The following VSTM2A variants were observed in gnomAD, a reference collection of about 807,000 sequenced individuals.
The protein encoded by VSTM2A is V-set and transmembrane domain-containing protein 2A.
VSTM2A carries 13 observed loss-of-function variants against 27.3 expected under a neutral mutation model. The ratio of observed to expected loss-of-function variants is 0.48; its 90% CI spans 0.31 to 0.76. The LOEUF (loss-of-function observed/expected upper bound fraction) is 0.76. VSTM2A is among the 30% of genes least tolerant of loss of function. The pLI is 0.05. For missense variants in VSTM2A, 280 were observed against 310.0 expected (o/e 0.90, Z 0.73); for synonymous variants, 142 against 125.7 (o/e 1.13, Z -0.87).
intron 4 of VSTM2A, among the ~76,000 whole-genome samples, chr7:54,567,506 A>G (rs539119207): frequency 1.2e-4 from 19 of 152,232 alleles, no homozygotes; most frequent in Non-Finnish European, 2.2e-4. Flanking sequence ...GGGGTCAGCC[A>G]TGTCCTATGA....
rs1038598262 is a variant in VSTM2A at position 54,548,114 on chromosome 7, A to G, written c.297+1117A>G. The stretch of plus-strand genomic sequence containing the variant: ...TTTTTTCTTAATTATTTTATTTTTC[A>G]CATACATATATAACTAGATAGATTG... On this transcript the variant is annotated intron_variant, in intron 3 of 4. Coordinates refer to ENST00000402613, the MANE Select transcript of VSTM2A (RefSeq NM_001301009.2). Among the ~76,000 whole-genome samples the G allele has an allele frequency of 2.0e-5, 3 of 152,264 alleles. No homozygotes were observed. In the South Asian group the frequency reaches 6.2e-4, roughly 32 times the overall value.
At chr7:54,553,896 C>T (rs267601544) in intron 4 of VSTM2A, 5 of 1,551,254 alleles carry the variant, frequency 3.2e-6, no homozygotes, top group Non-Finnish European at 4.4e-6. Flanking sequence ...AGTCAAACAT[C>T]TCCACAGACC....
chr7:54,566,639 A>G (rs1788732632), intron 4 of VSTM2A, among the ~76,000 whole-genome samples: 1 of 152,226 alleles, frequency 6.6e-6, no homozygotes, highest in African/African-American at 2.4e-5. Flanking sequence ...AATAAAACAA[A>G]ATAGGCAATC....
Position 54,542,632 on chromosome 7 carries a change from C to T in VSTM2A, c.-99C>T. The T allele has an allele frequency of 9.4e-7, 1 of 1,068,256 alleles. No individual in the cohort carries two copies. The highest frequency in any genetic ancestry group is 1.4e-6 in the Non-Finnish European group (1 of 707,722). 66.2% of individuals were successfully genotyped at this position (1,068,256 alleles called of 1,614,324 possible). A position where few individuals can be genotyped will look rare whatever the true frequency, so the allele number is the denominator to read the frequency against. ...CAGCAGGATGTTTGCAGTGTCGCGC[C>T]CAGGGCTCTGAGACTGAGCCTGCCA... On this transcript the variant is annotated 5_prime_UTR_variant, in exon 1 of 5. Transcript: ENST00000402613.
chr7:54,550,394 G>GCTCTCAGATGCCCT, intron 4 of VSTM2A: 2 of 1,288,980 alleles, frequency 1.6e-6, no homozygotes, highest in Non-Finnish European at 2.0e-6. Context: ...TTCATTTCCA[G>GCTCTCAGATGCCCT]GGCATCTGAG....
intron 4 of VSTM2A, chr7:54,554,058 G>C (rs775491976): frequency 6.4e-7 from 1 of 1,552,266 alleles, no homozygotes; most frequent in South Asian, 1.2e-5. Context: ...GCAGAGCTGC[G>C]TGCTGGCTCC....
chr7:54,544,117 T>G (rs552600970), intron 1 of VSTM2A, among the ~76,000 whole-genome samples: 4 of 152,336 alleles, frequency 2.6e-5, no homozygotes, highest in African/African-American at 9.6e-5. Flanking sequence ...TGCAGGCGTG[T>G]TTCACTGGTG....
At position 54,570,209 on chromosome 7, in the gene VSTM2A, C is replaced by G. The variant is rs1177367138; in HGVS notation, c.*990C>G. 4 of 152,242 alleles carry G rather than the reference C, an allele frequency of 2.6e-5. No homozygotes were observed. Among genetic ancestry groups the G allele is most frequent in the African/African-American group, 9.6e-5 (4 of 41,558 alleles). 9.4% of individuals were successfully genotyped at this position (152,242 alleles called of 1,614,324 possible). ...ATGGTGTTTATTGAGGTTTGAGAGT[C>G]TCTTGACTGTGAAGAATGTACACTG... On this transcript the variant is annotated 3_prime_UTR_variant, in exon 5 of 5. Coordinates refer to ENST00000402613, the MANE Select transcript of VSTM2A (RefSeq NM_001301009.2).
At chr7:54,544,042 A>G (rs1339463471) in intron 1 of VSTM2A, among the ~76,000 whole-genome samples, 1 of 152,220 alleles carries the variant, frequency 6.6e-6, no homozygotes, top group Non-Finnish European at 1.5e-5. Context: ...ATGGGAACAA[A>G]TAAAGGTTAA....
intron 4 of VSTM2A, among the ~76,000 whole-genome samples, chr7:54,561,886 C>T (rs1413284590): frequency 2.0e-5 from 3 of 151,912 alleles, no homozygotes; most frequent in Non-Finnish European, 4.4e-5. Context: ...CAAAGTCAGA[C>T]ATTAATGAAC....
rs1016161894 is a variant in VSTM2A, at chr7:54,542,430, G to C, written c.-301G>C. 2.2e-6 allele frequency: 1 copy of C among 455,928 alleles called. No homozygotes were observed. Among genetic ancestry groups the C allele is most frequent in the Non-Finnish European group, 3.9e-6 (1 of 258,108 alleles). The allele number at this position is 455,928 out of a possible 1,614,324, so 28.2% of individuals were successfully genotyped here. A position where few individuals can be genotyped will look rare whatever the true frequency, so the allele number is the denominator to read the frequency against. ...GGCAGTGATCACGCAAGCCGGAGCG[G>C]CGGGCTGACGTTGGACGAGCTGCCA... On this transcript the variant is annotated 5_prime_UTR_variant, in exon 1 of 5. Coordinates refer to ENST00000402613, the MANE Select transcript of VSTM2A (RefSeq NM_001301009.2).
chr7:54,544,504 T>C (rs1787878171), intron 1 of VSTM2A, 118 bp from the exon 2 acceptor site: 5 of 1,253,622 alleles, frequency 4.0e-6, no homozygotes, highest in African/African-American at 3.0e-5. Context: ...AAGCCGAGGA[T>C]GTAAGAGAGG....
Position 54,550,376 on chromosome 7 carries a change from A to T in VSTM2A, c.634+206A>T, listed in dbSNP as rs373424589. 5.9e-5 allele frequency: 82 copies of T among 1,383,688 alleles called. 1 individual carries two copies. In the South Asian group the frequency reaches 1.1e-3, roughly 19 times the overall value. The allele number at this position is 1,383,688 out of a possible 1,614,324, so 85.7% of individuals were successfully genotyped here. ...TGTGGGTGCACCCCGTCAGTCCCCT[A>T]GTGGTGCTTCATTTCCAGGGCATCT... On this transcript the variant is annotated intron_variant, in intron 4 of 4. Coordinates refer to ENST00000402613, the MANE Select transcript of VSTM2A (RefSeq NM_001301009.2).
At chr7:54,547,296 A>G in intron 3 of VSTM2A, 1 of 347,890 alleles carries the variant, frequency 2.9e-6, no homozygotes, top group Non-Finnish European at 5.1e-6. Flanking sequence ...ATACATTGCT[A>G]ATATCTATTC....
rs1788258573 is a variant in VSTM2A, at chr7:54,553,701, G to T, written c.634+3531G>T. ...GAAGAAAGACCTTTCAGAGAGGAGG[G>T]TGGCACCAAGCACAACTGACTGTGG... On this transcript the variant is annotated intron_variant, in intron 4 of 4. Transcript: ENST00000402613. 1.3e-5 allele frequency among the ~76,000 whole-genome samples: 2 copies of T among 152,220 alleles called. 1 individual carries two copies. The highest frequency in any genetic ancestry group is 4.2e-4 in the South Asian group (2 of 4,818).
chr7:54,554,535 A>T (rs1788290774), intron 4 of VSTM2A, among the ~76,000 whole-genome samples: 1 of 152,184 alleles, frequency 6.6e-6, no homozygotes, highest in African/African-American at 2.4e-5. Flanking sequence ...TCTCCATCCC[A>T]TGCATTGAAG....
At chr7:54,560,263 C>A (rs1183450492) in intron 4 of VSTM2A, among the ~76,000 whole-genome samples, 1 of 152,014 alleles carries the variant, frequency 6.6e-6, no homozygotes, top group Non-Finnish European at 1.5e-5. Context: ...TGAAAATGGT[C>A]GGTACTCAGA....
rs183720210 is a variant in VSTM2A, at chr7:54,561,761, A to G, written c.635-7370A>G. Reference sequence around the variant, plus strand: ...CCACTGGCTCAAACTTGGAAAATATATGGGTAAAATCTTAAGACATTTTCC... The same window carrying G: ...CCACTGGCTCAAACTTGGAAAATATGTGGGTAAAATCTTAAGACATTTTCC... On this transcript the variant is annotated intron_variant, in intron 4 of 4. Coordinates refer to ENST00000402613, the MANE Select transcript of VSTM2A (RefSeq NM_001301009.2). Among the ~76,000 whole-genome samples, 282 of 152,308 alleles carry G rather than the reference A, an allele frequency of 1.9e-3. 1 individual carries two copies. The highest frequency in any genetic ancestry group is 3.1e-3 in the Non-Finnish European group (210 of 68,026).
At chr7:54,564,166 T>C (rs1180140348) in intron 4 of VSTM2A, among the ~76,000 whole-genome samples, 3 of 152,216 alleles carry the variant, frequency 2.0e-5, no homozygotes, top group Non-Finnish European at 2.9e-5. Flanking sequence ...CAGAGAAGTA[T>C]TTGACTGTTG....
Sources: gnomAD v4.1 joint callset for allele counts (sites outside exome capture counted in the v4.1 genomes callset) on GRCh38, gnomAD v4.1.1 for gene constraint, MANE v1.5 for transcripts, NCBI Gene and HGNC (gene_info 2026-07-23, HGNC 2026-07-21) for gene names.